The following AP1S3 variants were observed in gnomAD, a reference collection of about 807,000 sequenced individuals.
The protein encoded by AP1S3 is adaptor related protein complex 1 subunit sigma 3, also known as AP-1 complex subunit sigma-3.
Under a neutral mutation model 20.9 loss-of-function variants are expected in AP1S3, and 10 were observed. The ratio of observed to expected loss-of-function variants is 0.48; its 90% CI spans 0.29 to 0.81. AP1S3 has a LOEUF of 0.81. AP1S3 is among the 30% of genes least tolerant of loss of function. The pLI, the probability that AP1S3 is intolerant of heterozygous loss-of-function variation, is 0.08. For synonymous variants in AP1S3, 41 were observed against 61.5 expected (o/e 0.67, Z 1.56); for missense variants, 154 against 183.8 (o/e 0.84, Z 0.94).
At chr2:223,762,131 C>T (rs920643611) in intron 4 of AP1S3, among the ~76,000 whole-genome samples, 11 of 151,702 alleles carry the variant, frequency 7.3e-5, no homozygotes, top group Non-Finnish European at 2.9e-5. Context: ...CACCACTGCA[C>T]CTGGCTAATT....
At position 223,758,128 on chromosome 2, in the gene AP1S3, T is replaced by A; in HGVS notation, c.*587A>T. The A allele has an allele frequency of 8.2e-6, 8 of 971,530 alleles. No homozygotes were observed. The highest frequency in any genetic ancestry group is 9.7e-6 in the Non-Finnish European group (8 of 821,884). 60.2% of individuals were successfully genotyped at this position (971,530 alleles called of 1,614,324 possible). A position where few individuals can be genotyped will look rare whatever the true frequency, so the allele number is the denominator to read the frequency against. On this transcript the variant is annotated 3_prime_UTR_variant, in exon 5 of 5. Coordinates refer to ENST00000396654, the MANE Select transcript of AP1S3 (RefSeq NM_001039569.2). Reference sequence around the variant, plus strand: ...TAAGTTCTATACTCTTTGGTTATTTTCATAATCCCAATTCTAAAAAAAATA... The same window carrying A: ...TAAGTTCTATACTCTTTGGTTATTTACATAATCCCAATTCTAAAAAAAATA...
intron 1 of AP1S3, among the ~76,000 whole-genome samples, chr2:223,826,606 A>T (rs931868914): frequency 2.6e-5 from 4 of 152,068 alleles, no homozygotes; most frequent in African/African-American, 9.7e-5. Context: ...AACAAAACAA[A>T]ACAAAATTAA....
rs1157407446 is a variant in AP1S3, at chr2:223,757,790, T to G, written c.*925A>C. The G allele has an allele frequency of 1.4e-5, 14 of 985,236 alleles. No individual in the cohort carries two copies. Among genetic ancestry groups the G allele is most frequent in the Non-Finnish European group, 1.7e-5 (14 of 829,856 alleles). The allele number at this position is 985,236 out of a possible 1,614,324, so 61.0% of individuals were successfully genotyped here. On this transcript the variant is annotated 3_prime_UTR_variant, in exon 5 of 5. Transcript: ENST00000396654. The stretch of plus-strand genomic sequence containing the variant: ...CTGTGATAATCTTAAATGCTCTAAG[T>G]AAGCCATGTAATAAGTCTTCAAATG...
intron 3 of AP1S3, among the ~76,000 whole-genome samples, chr2:223,767,802 C>T (rs1690517587): frequency 1.3e-5 from 2 of 152,092 alleles, no homozygotes; most frequent in Non-Finnish European, 2.9e-5. Flanking sequence ...TCTAATTTCT[C>T]CATCTAATTC....
rs1691138434 is a variant in AP1S3 at position 223,788,801 on chromosome 2, T to C, written c.4-10932A>G. Reference sequence around the variant, plus strand: ...AAAAAAGAAGAAGAAGAAGAAGAGATATTTGCAGATGCCTGCCACCCTCCT... The same window carrying C: ...AAAAAAGAAGAAGAAGAAGAAGAGACATTTGCAGATGCCTGCCACCCTCCT... On this transcript the variant is annotated intron_variant, in intron 1 of 4. Coordinates refer to ENST00000396654, the MANE Select transcript of AP1S3 (RefSeq NM_001039569.2). 2.0e-5 allele frequency among the ~76,000 whole-genome samples: 3 copies of C among 149,394 alleles called. No individual in the cohort carries two copies. The South Asian group carries it at 6.3e-4, about 32-fold the overall frequency.
chr2:223,772,586 T>C (rs1690659130), intron 3 of AP1S3, among the ~76,000 whole-genome samples: 1 of 152,214 alleles, frequency 6.6e-6, no homozygotes, highest in African/African-American at 2.4e-5. Context: ...TTGAGGTTAA[T>C]GCTACTTACT....
chr2:223,821,402 G>A (rs1691983843), intron 1 of AP1S3, among the ~76,000 whole-genome samples: 1 of 152,144 alleles, frequency 6.6e-6, no homozygotes, highest in Non-Finnish European at 1.5e-5. Context: ...TGATCCACCT[G>A]CCTCGGCCTC....
intron 1 of AP1S3, among the ~76,000 whole-genome samples, chr2:223,801,723 C>T (rs1241776692): frequency 5.9e-5 from 9 of 152,098 alleles, no homozygotes; most frequent in South Asian, 2.1e-4. Flanking sequence ...GGATTACAGG[C>T]GTGAGCCACT....
intron 3 of AP1S3, among the ~76,000 whole-genome samples, chr2:223,771,349 CAAAAT>C (rs1261994382): frequency 6.6e-6 from 1 of 152,026 alleles, no homozygotes; most frequent in African/African-American, 2.4e-5. Flanking sequence ...GAAAAAGAAA[CAAAAT>C]AAAATAAAAT....
intron 4 of AP1S3, among the ~76,000 whole-genome samples, chr2:223,762,525 G>C (rs191193321): frequency 6.6e-6 from 1 of 151,968 alleles, no homozygotes; most frequent in Admixed American, 6.6e-5. Flanking sequence ...CGCCCACCTC[G>C]GCCTCCCAAA....
chr2:223,816,987 T>C (rs1691857807), intron 1 of AP1S3, among the ~76,000 whole-genome samples: 2 of 152,030 alleles, frequency 1.3e-5, no homozygotes, highest in Non-Finnish European at 2.9e-5. Context: ...TAGCTAGGTG[T>C]GGTGATGCAT....
intron 3 of AP1S3, among the ~76,000 whole-genome samples, chr2:223,768,496 C>G (rs1255684352): frequency 6.6e-6 from 1 of 152,100 alleles, no homozygotes; most frequent in South Asian, 2.1e-4. Context: ...ATCTTTATAT[C>G]CCTGGTTTCT....
At position 223,765,297 on chromosome 2, in the gene AP1S3, G is replaced by A. The variant is rs61737679; in HGVS notation, c.345C>T (p.Asp115=). 9.9e-4 allele frequency: 1,602 copies of A among 1,613,812 alleles called. 13 individuals are homozygous for A. The African/African-American group carries it at 0.019, about 19-fold the overall frequency. The change falls in exon 4 of 5, where the codon GAC becomes GAT. Residue 115 remains aspartate, a synonymous_variant. Coordinates refer to ENST00000396654, the MANE Select transcript of AP1S3 (RefSeq NM_001039569.2). ...FNFEKAYFIL[D]EFIIGGEIQE... ...GAATTTCCCCACCTATTATAAACTC[G>A]TCCAGGATGAAATAAGCCTTTTCAA...
rs372622960 is a variant in AP1S3 at position 223,758,691 on chromosome 2, T to C, written c.*24A>G. The C allele has an allele frequency of 5.0e-6, 8 of 1,605,892 alleles. No homozygotes were observed. In the African/African-American group the frequency reaches 1.1e-4, roughly 21 times the overall value. The stretch of plus-strand genomic sequence containing the variant: ...TTTACAGCTTCATAACATGTAGTGC[T>C]GGAGTCTTCAAGTAGATTTCCAGTT... On this transcript the variant is annotated 3_prime_UTR_variant, in exon 5 of 5. Transcript: ENST00000396654.
chr2:223,772,506 G>A (rs530937492), intron 3 of AP1S3, among the ~76,000 whole-genome samples: 1 of 152,294 alleles, frequency 6.6e-6, no homozygotes, highest in South Asian at 2.1e-4. Context: ...CAGAAATATG[G>A]CAGGTATCTA....
At chr2:223,827,427 G>A (rs903143727) in intron 1 of AP1S3, among the ~76,000 whole-genome samples, 3 of 152,138 alleles carry the variant, frequency 2.0e-5, no homozygotes, top group Non-Finnish European at 2.9e-5. Flanking sequence ...TTGTCGCCCA[G>A]GTTGGAGTGC....
At chr2:223,820,668 G>GAAAA (rs1242596885) in intron 1 of AP1S3, among the ~76,000 whole-genome samples, 2 of 118,216 alleles carry the variant, frequency 1.7e-5, no homozygotes, top group Admixed American at 9.2e-5. Flanking sequence ...CAAACTAGGA[G>GAAAA]AAAAAAAAAA....
intron 1 of AP1S3, among the ~76,000 whole-genome samples, chr2:223,802,921 T>C (rs956105097): frequency 2.0e-5 from 3 of 152,220 alleles, no homozygotes. Context: ...TAAATCAATA[T>C]ATGGTAGAAC....
At chr2:223,780,306 TATAGAGAGAGAGAGAGAGAGAG>T (rs1172487602) in intron 1 of AP1S3, among the ~76,000 whole-genome samples, 1 of 45,244 alleles carries the variant, frequency 2.2e-5, no homozygotes, top group African/African-American at 9.6e-5. Context: ...TATATATATA[TATAGAGAGAGAGAGAGAGAGAG>T]AGAGAGAGAG....
Sources: gnomAD v4.1 joint callset for allele counts (sites outside exome capture counted in the v4.1 genomes callset) on GRCh38, gnomAD v4.1.1 for gene constraint, MANE v1.5 for transcripts, NCBI Gene and HGNC (gene_info 2026-07-23, HGNC 2026-07-21) for gene names.